The following PTTG1IP variants were observed in gnomAD, a reference collection of about 807,000 sequenced individuals.
PTTG1IP encodes the protein pituitary tumor-transforming gene 1 protein-interacting protein.
A neutral mutation model predicts 24.4 loss-of-function variants in PTTG1IP; 16 were observed. The ratio of observed to expected loss-of-function variants is 0.66; its 90% CI spans 0.44 to 1.00. PTTG1IP has a LOEUF of 1.00. Ranked by LOEUF, PTTG1IP falls within the 50% of genes least tolerant of loss-of-function variation. PTTG1IP has a pLI of 0.00. For missense variants in PTTG1IP, 241 were observed against 245.8 expected, an observed-to-expected ratio of 0.98 and a Z score of 0.13; for synonymous variants, 89 against 96.8, an observed-to-expected ratio of 0.92 and a Z score of 0.47.
chr21:44,858,205 G>T (rs1021082489), intron 3 of PTTG1IP, among the ~76,000 whole-genome samples: 2 of 152,226 alleles, frequency 1.3e-5, no homozygotes, highest in Non-Finnish European at 2.9e-5. Flanking sequence ...TTTCCTTCAA[G>T]TAAGCATGTT....
intron 2 of PTTG1IP, among the ~76,000 whole-genome samples, chr21:44,863,247 G>C (rs71322596): frequency 0.065 from 5,958 of 91,996 alleles, 438 homozygotes; most frequent in Middle Eastern, 0.1. Context: ...CAGCAGCAGA[G>C]ACACAGCCCG....
chr21:44,855,688 CCG>C (rs2083444091), intron 4 of PTTG1IP, among the ~76,000 whole-genome samples: 1 of 152,194 alleles, frequency 6.6e-6, no homozygotes, highest in Non-Finnish European at 1.5e-5. Context: ...CCCTCGCCCG[CCG>C]CCAACCTGAC....
At chr21:44,870,525 C>CAAAAAAAAAA (rs60436978) in intron 1 of PTTG1IP, among the ~76,000 whole-genome samples, 6 of 76,956 alleles carry the variant, frequency 7.8e-5, no homozygotes, top group East Asian at 4.3e-4. Flanking sequence ...GACTCCATCT[C>CAAAAAAAAAA]AAAAAAAAAA....
chr21:44,852,091 T>C (rs542339863), intron 5 of PTTG1IP, among the ~76,000 whole-genome samples: 3 of 152,332 alleles, frequency 2.0e-5, no homozygotes, highest in African/African-American at 7.2e-5. Flanking sequence ...TATTTAATCA[T>C]AAGAGTAAAC....
chr21:44,864,346 G>A (rs1007973700), intron 2 of PTTG1IP, among the ~76,000 whole-genome samples: 7 of 152,268 alleles, frequency 4.6e-5, no homozygotes, highest in Admixed American at 1.3e-4. Context: ...TGGCCCAGGC[G>A]CAGGCCACCA....
chr21:44,855,411 G>C (rs1398254386), intron 4 of PTTG1IP, among the ~76,000 whole-genome samples, 155 bp from the exon 5 acceptor site: 2 of 152,082 alleles, frequency 1.3e-5, no homozygotes, highest in Non-Finnish European at 2.9e-5. Context: ...GACAAGCTTG[G>C]TCATCAGGCC....
intron 5 of PTTG1IP, among the ~76,000 whole-genome samples, chr21:44,853,369 G>A (rs925227146): frequency 3.3e-5 from 5 of 152,090 alleles, no homozygotes; most frequent in South Asian, 2.1e-4. Context: ...TTAGCTGGGC[G>A]TAGTGGTGGG....
At chr21:44,858,839 T>C (rs896329474) in intron 3 of PTTG1IP, among the ~76,000 whole-genome samples, 2 of 152,192 alleles carry the variant, frequency 1.3e-5, no homozygotes, top group African/African-American at 2.4e-5. Context: ...ACACACCCAC[T>C]AGATGGACTG....
Position 44,862,376 on chromosome 21 carries a change from G to A in PTTG1IP, c.169-1105C>T, listed in dbSNP as rs60122540. 3.2e-3 allele frequency among the ~76,000 whole-genome samples: 486 copies of A among 152,312 alleles called. 5 individuals carry two copies. The highest frequency in any genetic ancestry group is 0.01 in the African/African-American group (430 of 41,564). On this transcript the variant is annotated intron_variant, in intron 2 of 5. Transcript: ENST00000330938. ...CTTTGTTAAAAATACAAAATAAGCC[G>A]GGCGTGGTGGCACATGCCTGTAATC... is the stretch of plus-strand genomic sequence containing the variant.
intron 1 of PTTG1IP, among the ~76,000 whole-genome samples, chr21:44,868,507 C>T (rs1248513905): frequency 6.6e-6 from 1 of 152,148 alleles, no homozygotes. Flanking sequence ...AACACATGAG[C>T]CACAGACAGT....
chr21:44,873,409 C>T, intron 1 of PTTG1IP, 93 bp downstream of exon 1: 1 of 1,158,874 alleles, frequency 8.6e-7, no homozygotes, highest in Non-Finnish European at 1.1e-6. Context: ...CCGCCGAGCC[C>T]AGCGCCCTGG....
intron 1 of PTTG1IP, among the ~76,000 whole-genome samples, chr21:44,870,971 A>C (rs1282419773): frequency 1.3e-5 from 2 of 152,354 alleles, no homozygotes; most frequent in East Asian, 3.9e-4. Context: ...TGCTCCTGTC[A>C]CACCGCAGGC....
At chr21:44,865,632 C>A (rs181360122) in intron 1 of PTTG1IP, 185 bp from the exon 2 acceptor site, 3 of 654,644 alleles carry the variant, frequency 4.6e-6, no homozygotes, top group Non-Finnish European at 8.2e-6. Context: ...ACATGTGGAA[C>A]GAGTGTTCAG....
At chr21:44,854,392 G>A (rs1219850120) in intron 5 of PTTG1IP, among the ~76,000 whole-genome samples, 1 of 152,196 alleles carries the variant, frequency 6.6e-6, no homozygotes, top group Non-Finnish European at 1.5e-5. Flanking sequence ...CATGAACCCA[G>A]GACCACGCAC....
At chr21:44,858,483 G>C (rs972450157) in intron 3 of PTTG1IP, among the ~76,000 whole-genome samples, 2 of 152,178 alleles carry the variant, frequency 1.3e-5, no homozygotes, top group East Asian at 1.9e-4. Flanking sequence ...CACACTTTCT[G>C]TTTCTCCCGG....
intron 1 of PTTG1IP, among the ~76,000 whole-genome samples, chr21:44,868,086 A>C (rs1222397438): frequency 2.6e-5 from 4 of 152,264 alleles, no homozygotes; most frequent in African/African-American, 9.6e-5. Context: ...GATACTTGAA[A>C]CAACAGGCTG....
chr21:44,868,660 C>T (rs8127305), intron 1 of PTTG1IP, among the ~76,000 whole-genome samples: 2 of 152,112 alleles, frequency 1.3e-5, no homozygotes, highest in Non-Finnish European at 2.9e-5. Flanking sequence ...CCCCTAGAAG[C>T]CACACTGACA....
rs761076398 is a variant in PTTG1IP, at chr21:44,866,374, A to AACACACAC, written c.116-935_116-928dup. ...CACAGACTGCCTACTCCAATCCCAT[A>AACACACAC]ACACACACACACACACACACACACA... On this transcript the variant is annotated intron_variant, in intron 1 of 5. Transcript: ENST00000330938. Among the ~76,000 whole-genome samples the AACACACAC allele has an allele frequency of 7.1e-4, 32 of 44,760 alleles. 6 individuals are homozygous for AACACACAC. Among genetic ancestry groups the AACACACAC allele is most frequent in the African/African-American group, 6.4e-3 (30 of 4,716 alleles). 29.4% of individuals were successfully genotyped at this position (44,760 alleles called of 152,430 possible).
At chr21:44,855,352 G>A in intron 4 of PTTG1IP, 96 bp from the exon 5 acceptor site, 1 of 1,324,944 alleles carries the variant, frequency 7.5e-7, no homozygotes, top group Non-Finnish European at 1.1e-6. Flanking sequence ...GGGGCGCCAG[G>A]TTTCTTCTGG....
Sources: gnomAD v4.1 joint callset for allele counts (sites outside exome capture counted in the v4.1 genomes callset) on GRCh38, gnomAD v4.1.1 for gene constraint, MANE v1.5 for transcripts, NCBI Gene and HGNC (gene_info 2026-07-23, HGNC 2026-07-21) for gene names.